VAV2: variants seen among roughly 807,000 people sequenced by gnomAD.
The protein encoded by VAV2 is guanine nucleotide exchange factor VAV2.
Under a neutral mutation model 132.5 loss-of-function variants are expected in VAV2, and 67 were observed. That is an observed-to-expected ratio of 0.51 (90% CI 0.42 to 0.62). The LOEUF (loss-of-function observed/expected upper bound fraction) is 0.62. VAV2 is among the 20% of genes least tolerant of loss of function. The pLI is 0.00. For synonymous variants in VAV2, 492 were observed against 443.5 expected, an observed-to-expected ratio of 1.11 and a Z score of -1.37; for missense variants, 938 against 1,153.6, an observed-to-expected ratio of 0.81 and a Z score of 2.71.
At position 133,991,154 on chromosome 9, in the gene VAV2, C is replaced by T. The variant is rs1328760522; in HGVS notation, c.204+921G>A. ...AGCTGGCTGGAAGACCGCACCTCCT[C>T]GGCGCTGGGTGGACCCGGCTGCCAC... On this transcript the variant is annotated intron_variant, in intron 1 of 29. Transcript: ENST00000371850. The surrounding 1 kb of genome is among the most constrained non-coding windows in gnomAD (Gnocchi z 4.8). Among the ~76,000 whole-genome samples the T allele has an allele frequency of 1.3e-5, 2 of 152,118 alleles. No individual in the cohort carries two copies. Among genetic ancestry groups the T allele is most frequent in the Admixed American group, 6.5e-5 (1 of 15,288 alleles).
chr9:133,871,223 C>A (rs1426220695), intron 2 of VAV2, among the ~76,000 whole-genome samples: 3 of 103,270 alleles, frequency 2.9e-5, no homozygotes, highest in African/African-American at 4.0e-5. Context: ...TAAGTGGGTA[C>A]GTAGGTGGGT....
At chr9:133,975,140 T>C (rs1266590907) in intron 1 of VAV2, among the ~76,000 whole-genome samples, 1 of 152,132 alleles carries the variant, frequency 6.6e-6, no homozygotes, top group Non-Finnish European at 1.5e-5. Context: ...CCTCATTTCA[T>C]CAACTCCTAC....
intron 2 of VAV2, among the ~76,000 whole-genome samples, chr9:133,893,690 G>A (rs905049083): frequency 6.6e-6 from 1 of 152,216 alleles, no homozygotes; most frequent in African/African-American, 2.4e-5. Context: ...GCCTTCCTCC[G>A]TCGCCACACG....
At position 133,833,838 on chromosome 9, in the gene VAV2, A is replaced by G. The variant is rs1836358613; in HGVS notation, c.449+434T>C. Among the ~76,000 whole-genome samples, 1 of 150,872 alleles carries G rather than the reference A, an allele frequency of 6.6e-6. No individual in the cohort carries two copies. The highest frequency in any genetic ancestry group is 6.6e-5 in the Admixed American group (1 of 15,176). ...CCACGTGTTAACCCCGAGCCCACAC[A>G]CTCCTGTGCCCTGAACCTGCGCTCC... On this transcript the variant is annotated intron_variant, in intron 4 of 29. Coordinates refer to ENST00000371850, the MANE Select transcript of VAV2 (RefSeq NM_001134398.2). The surrounding 1 kb of genome is among the most constrained non-coding windows in gnomAD (Gnocchi z 5.6).
intron 2 of VAV2, chr9:133,925,828 T>A (rs1840457612): frequency 6.6e-6 from 1 of 152,148 alleles, no homozygotes; most frequent in Non-Finnish European, 1.5e-5. Flanking sequence ...CACTTCGTTA[T>A]AATTAATTAC....
chr9:133,895,500 G>A (rs1294697096), intron 2 of VAV2, among the ~76,000 whole-genome samples: 3 of 152,274 alleles, frequency 2.0e-5, no homozygotes, highest in Non-Finnish European at 4.4e-5. Flanking sequence ...GAAAAGGAGA[G>A]AAGCTCTGAT....
intron 2 of VAV2, among the ~76,000 whole-genome samples, chr9:133,869,270 G>A (rs933667400): frequency 4.6e-5 from 7 of 152,080 alleles, no homozygotes; most frequent in African/African-American, 7.2e-5. Context: ...TTACAGGCAG[G>A]AGCCACCACA....
chr9:133,956,019 G>A (rs1252331802), intron 1 of VAV2, among the ~76,000 whole-genome samples: 1 of 151,330 alleles, frequency 6.6e-6, no homozygotes, highest in East Asian at 2.0e-4. Context: ...CTGCTTACTC[G>A]CAGAGTCAAG....
At position 133,791,690 on chromosome 9, in the gene VAV2, C is replaced by T. The variant is rs887857143; in HGVS notation, c.1188+93G>A. The T allele has an allele frequency of 4.4e-6, 5 of 1,124,878 alleles. No individual in the cohort carries two copies. The African/African-American group carries it at 7.7e-5, about 17-fold the overall frequency. The allele number at this position is 1,124,878 out of a possible 1,614,324, so 69.7% of individuals were successfully genotyped here. A position where few individuals can be genotyped will look rare whatever the true frequency, so the allele number is the denominator to read the frequency against. On this transcript the variant is annotated intron_variant, in intron 13 of 29. Transcript: ENST00000371850. ...CAACAGGCAGCCATGGTGTGGCTGCCCATGGAGCTCACTCAATACTGGGGC... is the reference window on the plus strand; with the variant it reads ...CAACAGGCAGCCATGGTGTGGCTGCTCATGGAGCTCACTCAATACTGGGGC...
intron 12 of VAV2, among the ~76,000 whole-genome samples, chr9:133,795,299 CGGAGGTGGCATTTTAGAAGCAGAAGCCT>C (rs560349641): frequency 6.4e-4 from 98 of 152,246 alleles, no homozygotes; most frequent in African/African-American, 2.1e-3. Context: ...GAGATGGCAC[CGGAGGTGGCATTTTAGAAGCAGAAGCCT>C]CAGTGCTGGG....
At chr9:133,814,582 GT>G (rs1196769101) in intron 4 of VAV2, among the ~76,000 whole-genome samples, 2 of 151,970 alleles carry the variant, frequency 1.3e-5, no homozygotes, top group African/African-American at 4.8e-5. Context: ...GGGGTTGGCC[GT>G]TAAATGCTGC....
intron 1 of VAV2, among the ~76,000 whole-genome samples, chr9:133,966,757 G>A (rs369976322): frequency 4.0e-5 from 6 of 151,622 alleles, no homozygotes; most frequent in Admixed American, 1.3e-4. Context: ...TAGCAGGGCC[G>A]AGCACGATGG....
Position 133,834,218 on chromosome 9 carries a change from G to A in VAV2, c.449+54C>T, listed in dbSNP as rs1836371759. 1 of 1,559,656 alleles carries A rather than the reference G, an allele frequency of 6.4e-7. No homozygotes were observed. The highest frequency in any genetic ancestry group is 8.7e-7 in the Non-Finnish European group (1 of 1,148,754). ...CTCCTGACTCCCTGGACACCACCAG[G>A]AACCTCCCTGCCCCTCCCTCCTCTC... On this transcript the variant is annotated intron_variant, in intron 4 of 29. Transcript: ENST00000371850. This position sits in a 1 kb window ranked among gnomAD's most constrained non-coding sequence, Gnocchi z 5.9.
rs1294429651 is a variant in VAV2, at chr9:133,908,020, T to C, written c.321+31083A>G. On this transcript the variant is annotated intron_variant, in intron 2 of 29. Transcript: ENST00000371850. ...TCCTTCTCTGCCTTCCCCCAGAGAGTGGAGGGAGGGTCTGAAGGCGCCCCT... is the reference window on the plus strand; with the variant it reads ...TCCTTCTCTGCCTTCCCCCAGAGAGCGGAGGGAGGGTCTGAAGGCGCCCCT... 3.6e-5 allele frequency among the ~76,000 whole-genome samples: 3 copies of C among 84,072 alleles called. No homozygotes were observed. In the Admixed American group the frequency reaches 5.2e-4, roughly 15 times the overall value. 55.2% of individuals were successfully genotyped at this position (84,072 alleles called of 152,430 possible).
Position 133,762,692 on chromosome 9 carries a change from T to G in VAV2, c.*1370A>C, listed in dbSNP as rs1372896801. 6.6e-6 allele frequency: 1 copy of G among 152,330 alleles called. No homozygotes were observed. The highest frequency in any genetic ancestry group is 2.4e-5 in the African/African-American group (1 of 41,388). 9.4% of individuals were successfully genotyped at this position (152,330 alleles called of 1,614,324 possible). On this transcript the variant is annotated 3_prime_UTR_variant, in exon 30 of 30. Coordinates refer to ENST00000371850, the MANE Select transcript of VAV2 (RefSeq NM_001134398.2). The surrounding 1 kb of genome is among the most constrained non-coding windows in gnomAD (Gnocchi z 5.0). ...CCATCCCCATGACTCCTCCCGCCTCTTCCCTACACCCCAGAGGCATACAGC... is the reference window on the plus strand; with the variant it reads ...CCATCCCCATGACTCCTCCCGCCTCGTCCCTACACCCCAGAGGCATACAGC...
rs576739869 is a variant in VAV2, at chr9:133,840,035, G to C, written c.381-5695C>G. On this transcript the variant is annotated intron_variant, in intron 3 of 29. Transcript: ENST00000371850. This position sits in a 1 kb window ranked among gnomAD's most constrained non-coding sequence, Gnocchi z 4.5. ...CAGGCACCAGCTGATTTTCCTTCCC[G>C]CACTTACCCCTAGCGTCCCCTACCC... Among the ~76,000 whole-genome samples the C allele has an allele frequency of 6.6e-6, 1 of 151,432 alleles. No homozygotes were observed.
rs10993858 is a variant in VAV2 at position 133,918,921 on chromosome 9, G to A, written c.321+20182C>T. 0.014 allele frequency among the ~76,000 whole-genome samples: 2,088 copies of A among 152,010 alleles called. 43 individuals carry two copies. Among genetic ancestry groups the A allele is most frequent in the South Asian group, 0.058 (279 of 4,812 alleles). On this transcript the variant is annotated intron_variant, in intron 2 of 29. Coordinates refer to ENST00000371850, the MANE Select transcript of VAV2 (RefSeq NM_001134398.2). The surrounding 1 kb of genome is among the most constrained non-coding windows in gnomAD (Gnocchi z 4.7). The stretch of plus-strand genomic sequence containing the variant: ...CTCCCAAGTAGCTGGGATTACAGGC[G>A]TGCACCACCACACCAGGCTAATTTT...
At chr9:133,978,595 C>T (rs1321874610) in intron 1 of VAV2, among the ~76,000 whole-genome samples, 1 of 148,872 alleles carries the variant, frequency 6.7e-6, no homozygotes, top group African/African-American at 2.6e-5. Context: ...AGGAGTAGGT[C>T]TGTGAGAATG....
intron 5 of VAV2, 89 bp downstream of exon 5, chr9:133,812,025 G>A: frequency 7.3e-7 from 1 of 1,371,398 alleles, no homozygotes; most frequent in East Asian, 2.3e-5. Context: ...GCTCAGACAT[G>A]GGGACAGCTC....
Sources: allele counts gnomAD v4.1 joint callset (sites outside exome capture counted in the v4.1 genomes callset), GRCh38; gene constraint gnomAD v4.1.1; non-coding constraint Gnocchi (gnomAD v3.1); transcripts MANE v1.5; gene names NCBI Gene and HGNC (gene_info 2026-07-23, HGNC 2026-07-21).